The following TMEM54 variants were observed in gnomAD, a reference collection of about 807,000 sequenced individuals.
TMEM54 encodes the protein transmembrane protein 54.
Under a neutral mutation model 21.3 loss-of-function variants are expected in TMEM54, and 21 were observed. The observed-to-expected ratio is 0.99, with a 90% CI of 0.70 to 1.42. The LOEUF (loss-of-function observed/expected upper bound fraction) is 1.42, where lower values mean the gene tolerates loss of function less well. TMEM54 is among the 40% of genes most tolerant of loss of function. The pLI is 0.00. For missense variants in TMEM54, 246 were observed against 294.0 expected (o/e 0.84, Z 1.19); for synonymous variants, 109 against 125.0 (o/e 0.87, Z 0.86).
At chr1:32,900,017 C>T (rs1297719078) in intron 1 of TMEM54, among the ~76,000 whole-genome samples, 1 of 152,174 alleles carries the variant, frequency 6.6e-6, no homozygotes, top group Non-Finnish European at 1.5e-5. Flanking sequence ...TGAAGATGGA[C>T]TGCCAGCCAA....
rs1437617614 is a variant in TMEM54 at position 32,895,099 on chromosome 1, A to C, written c.594+206T>G. On this transcript the variant is annotated intron_variant, in intron 5 of 5. Coordinates refer to ENST00000373463, the MANE Select transcript of TMEM54 (RefSeq NM_033504.4). The surrounding 1 kb of genome is among the most constrained non-coding windows in gnomAD (Gnocchi z 5.8). ...TCCCTCAAGACTCATCCTGGGCCCT[A>C]GGAGAGCCAGGTGTCAGCTGTGTGA... Among the ~76,000 whole-genome samples the C allele has an allele frequency of 6.6e-6, 1 of 152,112 alleles. No homozygotes were observed. Among genetic ancestry groups the C allele is most frequent in the Admixed American group, 6.5e-5 (1 of 15,284 alleles).
rs780997711 is a variant in TMEM54 at position 32,894,830 on chromosome 1, G to C, written c.644C>G (p.Thr215Ser). 27 of 1,604,324 alleles carry C rather than the reference G, an allele frequency of 1.7e-5. No individual in the cohort carries two copies. The highest frequency in any genetic ancestry group is 2.3e-5 in the Non-Finnish European group (27 of 1,171,428). Residue 215 changes from threonine (T) to serine (S), a missense_variant, in exon 6 of 6, where the codon ACC becomes AGC. Physicochemically the swap from Thr to Ser is moderately conservative, Grantham distance 58 (BLOSUM62 1). Coordinates refer to ENST00000373463, the MANE Select transcript of TMEM54 (RefSeq NM_033504.4). ...TCAGAGGGTCAGAGGCTCAGAGCTG[G>C]TGCAGCTCAGCAGGTCACGGCCCTC... ...LVEGRDLLSCTSSEPLTL is the reference protein window; with the variant it reads ...LVEGRDLLSCSSSEPLTL
In TMEM54 at chr1:32,898,178, A is replaced by G; in HGVS notation, c.158T>C (p.Val53Ala). 1 of 1,612,084 alleles carries G rather than the reference A, an allele frequency of 6.2e-7. No homozygotes were observed. Among genetic ancestry groups the G allele is most frequent in the Non-Finnish European group, 8.5e-7 (1 of 1,178,338 alleles). Residue 53 changes from valine to alanine, a missense_variant, in exon 2 of 6, where the codon GTG becomes GCG. Val to Ala is a moderately conservative substitution (Grantham distance 64). Coordinates refer to ENST00000373463, the MANE Select transcript of TMEM54 (RefSeq NM_033504.4). ...LRYVGTPQDA[V>A]ALQYCVVNIL... Reference sequence around the variant, plus strand: ...GTTGACCACGCAGTACTGCAGAGCCACCGCATCTTGAGGGGTGCCCACGTA... The same window carrying G: ...GTTGACCACGCAGTACTGCAGAGCCGCCGCATCTTGAGGGGTGCCCACGTA...
At chr1:32,900,543 T>A (rs1343734783) in intron 1 of TMEM54, among the ~76,000 whole-genome samples, 1 of 152,166 alleles carries the variant, frequency 6.6e-6, no homozygotes, top group Admixed American at 6.5e-5. Flanking sequence ...TGGGAGCGCA[T>A]AGCAGCGCAG....
Position 32,895,712 on chromosome 1 carries a change from C to T in TMEM54, c.302G>A (p.Cys101Tyr), listed in dbSNP as rs1465293306. 5 of 1,559,296 alleles carry T rather than the reference C, an allele frequency of 3.2e-6. No homozygotes were observed. Among genetic ancestry groups the T allele is most frequent in the African/African-American group, 1.4e-5 (1 of 73,682 alleles). ...GGCACAGGTCAGAGAAAGGAGAGCACAGGCCACGCTCGAGCTAAACACTGT... is the reference window on the plus strand; with the variant it reads ...GGCACAGGTCAGAGAAAGGAGAGCATAGGCCACGCTCGAGCTAAACACTGT... ...RWTVFSSSVA[C>Y]ALLSLTCALG... The change falls in exon 4 of 6, where the codon TGT (cysteine) becomes TAT (tyrosine). Residue 101 changes from cysteine to tyrosine, a missense_variant. Transcript: ENST00000373463. This position sits in a 1 kb window ranked among gnomAD's most constrained non-coding sequence, Gnocchi z 5.8.
Position 32,894,895 on chromosome 1 carries a change from A to G in TMEM54, c.595-16T>C. 6.2e-7 allele frequency: 1 copy of G among 1,605,378 alleles called. No individual in the cohort carries two copies. Among genetic ancestry groups the G allele is most frequent in the Non-Finnish European group, 8.5e-7 (1 of 1,172,920 alleles). ...TCTCCCGCATCTGCAGAGACACAGG[A>G]GGCTGCCAGACCCACTGGTTCTCAG... On this transcript the variant is annotated splice_polypyrimidine_tract_variant and intron_variant, in intron 5 of 5. Coordinates refer to ENST00000373463, the MANE Select transcript of TMEM54 (RefSeq NM_033504.4).
rs777910975 is a variant in TMEM54 at position 32,901,276 on chromosome 1, G to C, written c.-38C>G. On this transcript the variant is annotated 5_prime_UTR_variant, in exon 1 of 6. Coordinates refer to ENST00000373463, the MANE Select transcript of TMEM54 (RefSeq NM_033504.4). The surrounding 1 kb of genome is among the most constrained non-coding windows in gnomAD (Gnocchi z 4.2). ...CTGGTCCCGCCCCCGGCTTCAGCGCGGCTCCCGAGGCTGCGGGCCGCCGGG... is the reference window on the plus strand; with the variant it reads ...CTGGTCCCGCCCCCGGCTTCAGCGCCGCTCCCGAGGCTGCGGGCCGCCGGG... 9.7e-5 allele frequency: 132 copies of C among 1,354,998 alleles called. No individual in the cohort carries two copies. The highest frequency in any genetic ancestry group is 1.2e-4 in the Non-Finnish European group (129 of 1,044,986). 83.9% of individuals were successfully genotyped at this position (1,354,998 alleles called of 1,614,324 possible). A position where few individuals can be genotyped will look rare whatever the true frequency, so the allele number is the denominator to read the frequency against.
In TMEM54 at chr1:32,901,229, G is replaced by C. The variant is rs747159253; in HGVS notation, c.10C>G (p.Arg4Gly). The change falls in exon 1 of 6, where the codon CGC becomes GGC. Residue 4 changes from arginine (R) to glycine (G), a missense_variant. Arg to Gly is a moderately radical substitution (Grantham distance 125). Coordinates refer to ENST00000373463, the MANE Select transcript of TMEM54 (RefSeq NM_033504.4). The surrounding 1 kb of genome is among the most constrained non-coding windows in gnomAD (Gnocchi z 4.2). MCLRLGGLSVGDFR... is the reference protein window; with the variant it reads MCLGLGGLSVGDFR... Reference sequence around the variant, plus strand: ...CGCGCCCCCAGTCGCTCACCGAGGCGCAGACACATGTCGGCTCCGCGCTGG... The same window carrying C: ...CGCGCCCCCAGTCGCTCACCGAGGCCCAGACACATGTCGGCTCCGCGCTGG... 3 of 1,487,164 alleles carry C rather than the reference G, an allele frequency of 2.0e-6. No homozygotes were observed. In the South Asian group the frequency reaches 4.0e-5, roughly 20 times the overall value. The allele number at this position is 1,487,164 out of a possible 1,614,324, so 92.1% of individuals were successfully genotyped here.
chr1:32,899,438 G>A (rs1219878357), intron 1 of TMEM54, among the ~76,000 whole-genome samples: 1 of 150,950 alleles, frequency 6.6e-6, no homozygotes, highest in Non-Finnish European at 1.5e-5. Context: ...CAGTGGTCAT[G>A]CCTCTAATCC....
rs928732336 is a variant in TMEM54, at chr1:32,895,537, C to G, written c.459+18G>C. The G allele has an allele frequency of 3.1e-6, 5 of 1,590,850 alleles. No homozygotes were observed. Among genetic ancestry groups the G allele is most frequent in the Middle Eastern group, 1.7e-4 (1 of 6,030 alleles). The stretch of plus-strand genomic sequence containing the variant: ...CGTGCGAGGGCCTGGTGCCCCTACT[C>G]CAGGCCTAGGTACTCACATAAATGC... On this transcript the variant is annotated intron_variant, in intron 4 of 5. Transcript: ENST00000373463. This position sits in a 1 kb window ranked among gnomAD's most constrained non-coding sequence, Gnocchi z 5.8.
Position 32,895,252 on chromosome 1 carries a change from C to A in TMEM54, c.594+53G>T. The A allele has an allele frequency of 1.2e-5, 19 of 1,568,544 alleles. No homozygotes were observed. The highest frequency in any genetic ancestry group is 1.6e-5 in the Non-Finnish European group (18 of 1,152,400). On this transcript the variant is annotated intron_variant, in intron 5 of 5. Transcript: ENST00000373463. This position sits in a 1 kb window ranked among gnomAD's most constrained non-coding sequence, Gnocchi z 5.8. Reference sequence around the variant, plus strand: ...GGTGGGGCAGAGCAGCTTGGGCACCCTGGCAGGGGCTCCCAGGAAATTCGG... The same window carrying A: ...GGTGGGGCAGAGCAGCTTGGGCACCATGGCAGGGGCTCCCAGGAAATTCGG...
At position 32,895,601 on chromosome 1, in the gene TMEM54, A is replaced by G. The variant is rs1327520549; in HGVS notation, c.413T>C (p.Leu138Pro). Residue 138 changes from leucine (L) to proline (P), a missense_variant, in exon 4 of 6, where the codon CTA becomes CCA. Coordinates refer to ENST00000373463, the MANE Select transcript of TMEM54 (RefSeq NM_033504.4). The surrounding 1 kb of genome is among the most constrained non-coding windows in gnomAD (Gnocchi z 5.8). ...LAACTFGSSE[L>P]LALAPDCPFD... ...GGGACAGTCAGGTGCGAGGGCCAGT[A>G]GTTCAGAGCTCCCAAAAGTGCAGGC... 1.9e-6 allele frequency: 3 copies of G among 1,580,608 alleles called. No homozygotes were observed. The highest frequency in any genetic ancestry group is 2.3e-5 in the East Asian group (1 of 43,738).
At chr1:32,900,725 C>T (rs886489464) in intron 1 of TMEM54, among the ~76,000 whole-genome samples, 3 of 152,226 alleles carry the variant, frequency 2.0e-5, no homozygotes, top group Non-Finnish European at 4.4e-5. Flanking sequence ...GCAGCATCAC[C>T]GTGCCCAGGC....
chr1:32,898,545 G>A (rs1416603584), intron 1 of TMEM54: 1 of 489,094 alleles, frequency 2.0e-6, no homozygotes, highest in Non-Finnish European at 3.7e-6. Flanking sequence ...CAAGCACACA[G>A]GTAGCTCTTA....
In TMEM54 at chr1:32,895,135, A is replaced by G. The variant is rs1301160812; in HGVS notation, c.594+170T>C. 6.6e-6 allele frequency among the ~76,000 whole-genome samples: 1 copy of G among 152,008 alleles called. No individual in the cohort carries two copies. The highest frequency in any genetic ancestry group is 6.6e-5 in the Admixed American group (1 of 15,264). On this transcript the variant is annotated intron_variant, in intron 5 of 5. Transcript: ENST00000373463. The surrounding 1 kb of genome is among the most constrained non-coding windows in gnomAD (Gnocchi z 5.8). ...GTGTCAGCTGTGTGACTCTGCTGGGAGATCTCACCTCTCCCAGCCTCCAGG... is the reference window on the plus strand; with the variant it reads ...GTGTCAGCTGTGTGACTCTGCTGGGGGATCTCACCTCTCCCAGCCTCCAGG...
intron 1 of TMEM54, among the ~76,000 whole-genome samples, chr1:32,899,575 T>A (rs2124054871): frequency 6.6e-6 from 1 of 152,182 alleles, no homozygotes; most frequent in Non-Finnish European, 1.5e-5. Context: ...GGCATGGTGG[T>A]GCATGCCTCT....
At position 32,897,989 on chromosome 1, in the gene TMEM54, G is replaced by C; in HGVS notation, c.210+137C>G. Reference sequence around the variant, plus strand: ...ATGAAGAAGTTGAGTGACTTGGGCAGTTGGTAAGTGGCAGACAAAGGGTTA... The same window carrying C: ...ATGAAGAAGTTGAGTGACTTGGGCACTTGGTAAGTGGCAGACAAAGGGTTA... On this transcript the variant is annotated intron_variant, in intron 2 of 5. Coordinates refer to ENST00000373463, the MANE Select transcript of TMEM54 (RefSeq NM_033504.4). This position sits in a 1 kb window ranked among gnomAD's most constrained non-coding sequence, Gnocchi z 4.9. The C allele has an allele frequency of 1.5e-5, 11 of 750,132 alleles. No individual in the cohort carries two copies. The highest frequency in any genetic ancestry group is 2.4e-5 in the Non-Finnish European group (11 of 463,684). The allele number at this position is 750,132 out of a possible 1,614,324, so 46.5% of individuals were successfully genotyped here. A position where few individuals can be genotyped will look rare whatever the true frequency, so the allele number is the denominator to read the frequency against.
Position 32,895,296 on chromosome 1 carries a change from G to A in TMEM54, c.594+9C>T, listed in dbSNP as rs1409488319. ...AATTCGGGGAGTCAGGGCTGTGGAGGGAACTTACCATGTGGTGGCTGCTTT... is the reference window on the plus strand; with the variant it reads ...AATTCGGGGAGTCAGGGCTGTGGAGAGAACTTACCATGTGGTGGCTGCTTT... On this transcript the variant is annotated intron_variant, in intron 5 of 5. Coordinates refer to ENST00000373463, the MANE Select transcript of TMEM54 (RefSeq NM_033504.4). The surrounding 1 kb of genome is among the most constrained non-coding windows in gnomAD (Gnocchi z 5.8). The A allele has an allele frequency of 1.2e-5, 19 of 1,605,218 alleles. No individual in the cohort carries two copies. The highest frequency in any genetic ancestry group is 4.5e-5 in the East Asian group (2 of 44,688).
At chr1:32,900,042 G>C (rs1313563269) in intron 1 of TMEM54, among the ~76,000 whole-genome samples, 1 of 152,168 alleles carries the variant, frequency 6.6e-6, no homozygotes, top group Non-Finnish European at 1.5e-5. Context: ...GAAGGGGCAT[G>C]GCAGCTTCAG....
Sources: gnomAD v4.1 joint callset for allele counts (sites outside exome capture counted in the v4.1 genomes callset) on GRCh38, gnomAD v4.1.1 for gene constraint, Gnocchi (gnomAD v3.1) non-coding constraint, MANE v1.5 for transcripts, NCBI Gene and HGNC (gene_info 2026-07-23, HGNC 2026-07-21) for gene names.